LRRFIP2: variants seen among roughly 807,000 people sequenced by gnomAD.
LRRFIP2 encodes LRR binding FLII interacting protein 2.
Under a neutral mutation model 125.9 loss-of-function variants are expected in LRRFIP2, and 109 were observed. That is an observed-to-expected ratio of 0.87 (90% CI 0.74 to 1.01). The LOEUF is 1.01. Among genes scored for constraint, LRRFIP2 ranks in the 50% least tolerant of loss-of-function variants. The pLI, the probability that LRRFIP2 is intolerant of heterozygous loss-of-function variation, is 0.00. For synonymous variants in LRRFIP2, 291 were observed against 293.1 expected (o/e 0.99, Z 0.07); for missense variants, 850 against 862.3 (o/e 0.99, Z 0.18).
intron 2 of LRRFIP2, among the ~76,000 whole-genome samples, chr3:37,131,181 C>T (rs892746411): frequency 1.3e-5 from 2 of 152,166 alleles, no homozygotes; most frequent in African/African-American, 4.8e-5. Flanking sequence ...ACTTGCTCCA[C>T]GTGTACTGGG....
At chr3:37,162,310 T>C (rs896193115) in intron 1 of LRRFIP2, among the ~76,000 whole-genome samples, 3 of 152,078 alleles carry the variant, frequency 2.0e-5, no homozygotes, top group African/African-American at 7.2e-5. Context: ...AGGTATATCT[T>C]AGTGAATTTT....
intron 19 of LRRFIP2, among the ~76,000 whole-genome samples, chr3:37,079,454 A>T (rs2092431999): frequency 6.6e-6 from 1 of 152,256 alleles, no homozygotes; most frequent in Non-Finnish European, 1.5e-5. Flanking sequence ...AGGAAAGCAT[A>T]TATCCAGACC....
At chr3:37,156,795 T>C (rs2096213732) in intron 1 of LRRFIP2, among the ~76,000 whole-genome samples, 1 of 141,528 alleles carries the variant, frequency 7.1e-6, no homozygotes, top group Admixed American at 7.1e-5. Flanking sequence ...GCAGAGGTAA[T>C]CATAGCACTG....
Position 37,083,684 on chromosome 3 carries a change from C to T in LRRFIP2, c.1230G>A (p.Gln410=), listed in dbSNP as rs769615299. ...VDTLKDVIEE[Q]EEQMAEFYRE... ...TATAAAATTCTGCCATCTGTTCCTC[C>T]TGCTCTTCAATAACATCCTTGAGTG... The change falls in exon 19 of 28, where the codon CAG becomes CAA. Residue 410 remains glutamine (Q), a synonymous_variant. Coordinates refer to ENST00000336686, the MANE Select transcript of LRRFIP2 (RefSeq NM_006309.4). The T allele has an allele frequency of 6.3e-7, 1 of 1,586,784 alleles. No homozygotes were observed. The highest frequency in any genetic ancestry group is 8.5e-7 in the Non-Finnish European group (1 of 1,170,526).
intron 13 of LRRFIP2, among the ~76,000 whole-genome samples, chr3:37,106,672 G>C (rs1429415240): frequency 6.6e-6 from 1 of 152,112 alleles, no homozygotes; most frequent in Non-Finnish European, 1.5e-5. Context: ...GCCAGGCACA[G>C]TGGTTCACGC....
intron 15 of LRRFIP2, among the ~76,000 whole-genome samples, chr3:37,101,668 G>GAAAAAA (rs56878231): frequency 7.8e-6 from 1 of 128,366 alleles, no homozygotes; most frequent in Admixed American, 8.3e-5. Flanking sequence ...CTGTCACCAA[G>GAAAAAA]AAAAAAAAAA....
chr3:37,136,190 G>T (rs1216166410), intron 2 of LRRFIP2, among the ~76,000 whole-genome samples: 2 of 152,164 alleles, frequency 1.3e-5, no homozygotes, highest in Non-Finnish European at 1.5e-5. Flanking sequence ...GACACAAAAG[G>T]TCACATATTG....
chr3:37,165,433 T>G (rs537707566), intron 1 of LRRFIP2, among the ~76,000 whole-genome samples: 22 of 122,712 alleles, frequency 1.8e-4, no homozygotes, highest in African/African-American at 5.7e-4. Flanking sequence ...CCAAAAAGGT[T>G]GGGGACCACT....
intron 1 of LRRFIP2, among the ~76,000 whole-genome samples, chr3:37,152,205 A>T (rs1287383387): frequency 6.6e-6 from 1 of 152,238 alleles, no homozygotes; most frequent in African/African-American, 2.4e-5. Context: ...TAAGTGAAGT[A>T]ACATATGATC....
At chr3:37,058,688 A>AG (rs2087640862) in intron 25 of LRRFIP2, 102 bp downstream of exon 25, 1 of 1,299,036 alleles carries the variant, frequency 7.7e-7, no homozygotes, top group East Asian at 2.4e-5. Context: ...AAAAAAAAAA[A>AG]AAAGAAAAGT....
Position 37,123,170 on chromosome 3 carries a change from TTTG to T in LRRFIP2, c.229-1482_229-1480del, listed in dbSNP as rs113012823. Among the ~76,000 whole-genome samples, 455 of 150,940 alleles carry T rather than the reference TTTG, an allele frequency of 3.0e-3. 3 individuals are homozygous for T. The highest frequency in any genetic ancestry group is 7.3e-3 in the African/African-American group (297 of 40,660). On this transcript the variant is annotated intron_variant, in intron 4 of 27. Transcript: ENST00000336686. ...TTTAGGAATTCGTCACTGATTTACA[TTTG>T]TTGTTGTTGTTGTTGTTGTTGTTGT...
chr3:37,117,027 G>A (rs756703115), intron 6 of LRRFIP2, among the ~76,000 whole-genome samples: 2 of 150,784 alleles, frequency 1.3e-5, no homozygotes, highest in African/African-American at 2.4e-5. Context: ...AAACTGTGTA[G>A]TAGTAAAATG....
intron 21 of LRRFIP2, among the ~76,000 whole-genome samples, chr3:37,072,219 G>C (rs937518514): frequency 1.3e-5 from 2 of 152,132 alleles, no homozygotes; most frequent in Non-Finnish European, 2.9e-5. Flanking sequence ...TCTGAAGGGA[G>C]GCCAGGCATG....
chr3:37,117,585 A>T (rs1047705426), intron 6 of LRRFIP2, among the ~76,000 whole-genome samples: 4 of 151,938 alleles, frequency 2.6e-5, no homozygotes, highest in African/African-American at 4.8e-5. Flanking sequence ...AAAAAAGAAA[A>T]TTTTTTTTAA....
intron 2 of LRRFIP2, among the ~76,000 whole-genome samples, chr3:37,142,337 C>T (rs2095730691): frequency 6.6e-6 from 1 of 151,910 alleles, no homozygotes; most frequent in Admixed American, 6.6e-5. Context: ...CAGGGTTTCA[C>T]CATGTTGCCC....
At chr3:37,109,616 A>G (rs778459396) in intron 10 of LRRFIP2, 37 bp downstream of exon 10, 5 of 1,614,026 alleles carry the variant, frequency 3.1e-6, no homozygotes, top group Non-Finnish European at 4.2e-6. Flanking sequence ...AGCAACTGGT[A>G]GCTCTAAAGG....
intron 1 of LRRFIP2, among the ~76,000 whole-genome samples, chr3:37,167,134 C>T (rs1280374975): frequency 6.8e-6 from 1 of 147,624 alleles, no homozygotes; most frequent in Non-Finnish European, 1.5e-5. Context: ...GAGGTCGAGG[C>T]TGCAGTGAGG....
At chr3:37,072,968 G>A (rs908794141) in intron 20 of LRRFIP2, 86 bp from the exon 21 acceptor site, 38 of 848,484 alleles carry the variant, frequency 4.5e-5, no homozygotes, top group Non-Finnish European at 6.3e-5. Context: ...AAATAAAGCC[G>A]ATAAAGAAAC....
chr3:37,087,221 C>T (rs1412691245), intron 18 of LRRFIP2, among the ~76,000 whole-genome samples: 1 of 152,150 alleles, frequency 6.6e-6, no homozygotes, highest in Non-Finnish European at 1.5e-5. Flanking sequence ...CGATTAGAAA[C>T]AAATTTAACC....
Sources: gnomAD v4.1 joint callset for allele counts (sites outside exome capture counted in the v4.1 genomes callset) on GRCh38, gnomAD v4.1.1 for gene constraint, MANE v1.5 for transcripts, NCBI Gene and HGNC (gene_info 2026-07-23, HGNC 2026-07-21) for gene names.